PCDHA5: variants seen among roughly 807,000 people sequenced by gnomAD.
The protein encoded by PCDHA5 is protocadherin alpha 5, also known as protocadherin alpha-5.
PCDHA5 carries 43 observed loss-of-function variants against 61.6 expected under a neutral mutation model. The ratio of observed to expected loss-of-function variants is 0.70; its 90% CI spans 0.55 to 0.90. The LOEUF (loss-of-function observed/expected upper bound fraction) is 0.90, where lower values mean the gene tolerates loss of function less well. Among genes scored for constraint, PCDHA5 ranks in the 40% least tolerant of loss-of-function variants. PCDHA5 has a pLI of 0.00. For synonymous variants in PCDHA5, 627 were observed against 543.9 expected (o/e 1.15, Z -2.13); for missense variants, 1,298 against 1,222.7 (o/e 1.06, Z -0.92).
intron 1 of PCDHA5, among the ~76,000 whole-genome samples, chr5:140,840,430 A>T (rs1776694200): frequency 6.6e-6 from 1 of 151,990 alleles, no homozygotes; most frequent in Admixed American, 6.6e-5. Flanking sequence ...GCTAGTTTAA[A>T]GCCGTGGAAA....
chr5:140,981,026 A>T (rs1300851844), intron 2 of PCDHA5, among the ~76,000 whole-genome samples: 3 of 152,088 alleles, frequency 2.0e-5, no homozygotes, highest in Admixed American at 6.5e-5. Flanking sequence ...GGCTGTTAAT[A>T]TTTGGGGAAA....
chr5:141,001,910 C>T (rs1365182561), intron 3 of PCDHA5, among the ~76,000 whole-genome samples: 1 of 152,196 alleles, frequency 6.6e-6, no homozygotes, highest in Non-Finnish European at 1.5e-5. Flanking sequence ...TTGAAAAAGA[C>T]TGCAGTGGCT....
intron 1 of PCDHA5, among the ~76,000 whole-genome samples, chr5:140,886,068 GC>G (rs1462692271): frequency 5.3e-5 from 8 of 152,098 alleles, no homozygotes; most frequent in African/African-American, 9.7e-5. Context: ...AAAGCGTAGG[GC>G]CATACCACAA....
At chr5:140,969,529 T>G in intron 1 of PCDHA5, 7 of 1,377,800 alleles carry the variant, frequency 5.1e-6, no homozygotes, top group Non-Finnish European at 6.8e-6. Flanking sequence ...GTTTTATTTT[T>G]CATTTTCAGA....
chr5:140,976,770 C>T (rs2096730456), intron 1 of PCDHA5, among the ~76,000 whole-genome samples: 1 of 152,162 alleles, frequency 6.6e-6, no homozygotes, highest in Non-Finnish European at 1.5e-5. Flanking sequence ...GCCTGCTAGA[C>T]TCTGACTATA....
intron 1 of PCDHA5, chr5:140,862,740 G>T (rs1302893031): frequency 8.7e-6 from 5 of 577,654 alleles, no homozygotes; most frequent in Non-Finnish European, 1.7e-5. Flanking sequence ...GCTATGTGTG[G>T]GTGCACGCGG....
intron 3 of PCDHA5, among the ~76,000 whole-genome samples, chr5:140,992,876 A>G (rs1370116402): frequency 6.6e-6 from 1 of 152,178 alleles, no homozygotes; most frequent in Admixed American, 6.5e-5. Flanking sequence ...CCTCCTTGAT[A>G]TTCTAAACAA....
At chr5:140,882,531 C>A (rs781969592) in intron 1 of PCDHA5, 2 of 1,614,218 alleles carry the variant, frequency 1.2e-6, no homozygotes, top group Non-Finnish European at 1.7e-6. Context: ...TTTGTGAATT[C>A]TCGGATCGAC....
At chr5:140,844,212 C>T (rs1554140567) in intron 1 of PCDHA5, among the ~76,000 whole-genome samples, 1 of 149,426 alleles carries the variant, frequency 6.7e-6, no homozygotes, top group African/African-American at 2.4e-5. Context: ...GTCTGGTAGT[C>T]ACAAATATCT....
chr5:140,869,745 T>C (rs1407210744), intron 1 of PCDHA5: 3 of 1,613,220 alleles, frequency 1.9e-6, no homozygotes, highest in Non-Finnish European at 2.5e-6. Context: ...TGCTAACAGC[T>C]ACAGACGGGG....
intron 1 of PCDHA5, among the ~76,000 whole-genome samples, chr5:140,969,746 T>C (rs1353204080): frequency 6.6e-6 from 1 of 152,224 alleles, no homozygotes; most frequent in African/African-American, 2.4e-5. Context: ...ATGAGTGATG[T>C]TTCTTAAAAA....
intron 1 of PCDHA5, among the ~76,000 whole-genome samples, chr5:140,957,852 A>ATT (rs5871756): frequency 1.3e-5 from 2 of 151,656 alleles, no homozygotes; most frequent in East Asian, 1.9e-4. Flanking sequence ...GAGTTTGTGT[A>ATT]TTTTTTTTCC....
intron 1 of PCDHA5, among the ~76,000 whole-genome samples, chr5:140,890,901 T>C (rs1583031993): frequency 6.6e-6 from 1 of 152,194 alleles, no homozygotes; most frequent in Admixed American, 6.5e-5. Flanking sequence ...TGTCTTTCCA[T>C]GTTAGAATAA....
intron 1 of PCDHA5, among the ~76,000 whole-genome samples, chr5:140,884,903 T>C (rs1462790087): frequency 1.3e-5 from 2 of 152,268 alleles, no homozygotes; most frequent in Admixed American, 1.3e-4. Flanking sequence ...GTTTCTGTTG[T>C]ATTCTTAATA....
intron 1 of PCDHA5, among the ~76,000 whole-genome samples, chr5:140,887,714 T>C (rs772328025): frequency 6.6e-6 from 1 of 152,220 alleles, no homozygotes; most frequent in Admixed American, 6.5e-5. Flanking sequence ...CTTCTTCTAA[T>C]AGTTTTTTCT....
chr5:140,875,767 A>G, intron 1 of PCDHA5: 1 of 1,614,144 alleles, frequency 6.2e-7, no homozygotes, highest in Non-Finnish European at 8.5e-7. Context: ...GTGCGGGCGG[A>G]GCGCGGAGTG....
chr5:140,887,853 C>G (rs145942561), intron 1 of PCDHA5, among the ~76,000 whole-genome samples: 1 of 152,170 alleles, frequency 6.6e-6, no homozygotes, highest in African/African-American at 2.4e-5. Flanking sequence ...GACATATTTT[C>G]CAAGTTCACT....
chr5:140,839,374 AATT>A lies in PCDHA5; in HGVS notation c.2352+15253_2352+15255del, dbSNP rs2150296854. Among the ~76,000 whole-genome samples the A allele has an allele frequency of 6.0e-3, 174 of 29,192 alleles. 2 individuals carry two copies. In the South Asian group the frequency reaches 0.16, roughly 27 times the overall value. The allele number at this position is 29,192 out of a possible 152,430, so 19.2% of individuals were successfully genotyped here. On this transcript the variant is annotated intron_variant, in intron 1 of 3. Coordinates refer to ENST00000529859, the MANE Select transcript of PCDHA5 (RefSeq NM_018908.3). ...CTTAGCCACCTAAGCTGTATTCATC[AATT>A]ATTATGATGATGATGATGATTATTA...
intron 1 of PCDHA5, chr5:140,870,020 C>CT (rs2051592109): frequency 6.2e-7 from 1 of 1,613,394 alleles, no homozygotes; most frequent in Admixed American, 1.7e-5. Context: ...GTCAATGGAA[C>CT]TTTAGATTAT....
Sources: gnomAD v4.1 joint callset for allele counts (sites outside exome capture counted in the v4.1 genomes callset) on GRCh38, gnomAD v4.1.1 for gene constraint, MANE v1.5 for transcripts, NCBI Gene and HGNC (gene_info 2026-07-23, HGNC 2026-07-21) for gene names.